The following IFT172 variants were observed in gnomAD, a reference collection of about 807,000 sequenced individuals.
IFT172 encodes intraflagellar transport protein 172 homolog.
In IFT172, 164 loss-of-function variants were observed where a neutral mutation model predicts 248.9. The ratio of observed to expected loss-of-function variants is 0.66; its 90% CI spans 0.58 to 0.75. The LOEUF (loss-of-function observed/expected upper bound fraction) is 0.75. Ranked by LOEUF, IFT172 falls within the 30% of genes least tolerant of loss-of-function variation. The probability of loss-of-function intolerance (pLI) is 0.00; values close to 1 mark genes in which losing one functional copy is unlikely to be tolerated. For synonymous variants in IFT172, 729 were observed against 791.6 expected, an observed-to-expected ratio of 0.92 and a Z score of 1.33; for missense variants, 1,950 against 2,192.4, an observed-to-expected ratio of 0.89 and a Z score of 2.21.
intron 35 of IFT172, 133 bp from the exon 36 acceptor site, chr2:27,450,229 C>G (rs567073851): frequency 1.1e-4 from 72 of 645,332 alleles, no homozygotes; most frequent in African/African-American, 1.0e-3. Flanking sequence ...AACCTTGCAC[C>G]CTCCTGGGCA....
chr2:27,483,378 T>C lies in IFT172; in HGVS notation c.483-2A>G, dbSNP rs373214972. On this transcript the variant is annotated splice_acceptor_variant, in intron 6 of 47. Coordinates refer to ENST00000260570, the MANE Select transcript of IFT172 (RefSeq NM_015662.3). LOFTEE classifies it high-confidence loss of function. ...GAGAGAATTCCTTTCCCAGAGCAACTAAAAAAGGAGAAAGGAGAGAAATAC... is the reference window on the plus strand; with the variant it reads ...GAGAGAATTCCTTTCCCAGAGCAACCAAAAAAGGAGAAAGGAGAGAAATAC... The C allele has an allele frequency of 2.1e-5, 33 of 1,587,768 alleles. No homozygotes were observed. Among genetic ancestry groups the C allele is most frequent in the African/African-American group, 4.0e-5 (3 of 74,132 alleles).
In IFT172 at chr2:27,478,058, G is replaced by A. The variant is rs766398819; in HGVS notation, c.1104C>T (p.Tyr368=). The change falls in exon 11 of 48, where the codon TAC becomes TAT. Residue 368 remains tyrosine (Y), a synonymous_variant. Coordinates refer to ENST00000260570, the MANE Select transcript of IFT172 (RefSeq NM_015662.3). ...EEVKILGKER[Y]LVAHTSETLL... ...GTGTTTCTGATGTGTGAGCCACCAAGTAACGTTCCTTTCCTAGGATTTTCA... is the reference window on the plus strand; with the variant it reads ...GTGTTTCTGATGTGTGAGCCACCAAATAACGTTCCTTTCCTAGGATTTTCA... The A allele has an allele frequency of 2.5e-6, 4 of 1,614,204 alleles. No homozygotes were observed. The highest frequency in any genetic ancestry group is 1.6e-4 in the Middle Eastern group (1 of 6,062).
Position 27,445,574 on chromosome 2 carries a change from C to T in IFT172, c.4915-125G>A, listed in dbSNP as rs1361828183. Reference sequence around the variant, plus strand: ...ATACCAGCTTTTAGCCACGAATCCTCCTTGGATTGGGGGATGCAGTCACAG... The same window carrying T: ...ATACCAGCTTTTAGCCACGAATCCTTCTTGGATTGGGGGATGCAGTCACAG... On this transcript the variant is annotated intron_variant, in intron 45 of 47. Transcript: ENST00000260570. This position sits in a 1 kb window ranked among gnomAD's most constrained non-coding sequence, Gnocchi z 4.4. 4 of 1,311,628 alleles carry T rather than the reference C, an allele frequency of 3.0e-6. No individual in the cohort carries two copies. The highest frequency in any genetic ancestry group is 4.2e-6 in the Non-Finnish European group (4 of 956,404). 81.2% of individuals were successfully genotyped at this position (1,311,628 alleles called of 1,614,324 possible). A position where few individuals can be genotyped will look rare whatever the true frequency, so the allele number is the denominator to read the frequency against.
At chr2:27,479,985 G>T in intron 9 of IFT172, 41 bp downstream of exon 9, 1 of 1,593,866 alleles carries the variant, frequency 6.3e-7, no homozygotes, top group Admixed American at 1.8e-5. Flanking sequence ...TTCTAGTTTG[G>T]TGAAAGTCAC....
rs1666468434 is a variant in IFT172, at chr2:27,459,580, T to C, written c.2643-58A>G. 5.6e-6 allele frequency: 9 copies of C among 1,602,862 alleles called. No homozygotes were observed. The South Asian group carries it at 8.9e-5, about 16-fold the overall frequency. On this transcript the variant is annotated intron_variant, in intron 24 of 47. Transcript: ENST00000260570. ...GATGAAAGATGAAGATGAATGGAGG[T>C]AAAAGGACCCTTTAAGCACACTTCA...
Position 27,444,982 on chromosome 2 carries a change from C to T in IFT172, c.5160+32G>A, listed in dbSNP as rs754296042. 2.5e-6 allele frequency: 4 copies of T among 1,605,788 alleles called. No homozygotes were observed. The East Asian group carries it at 8.9e-5, about 36-fold the overall frequency. On this transcript the variant is annotated intron_variant, in intron 47 of 47. Coordinates refer to ENST00000260570, the MANE Select transcript of IFT172 (RefSeq NM_015662.3). ...TTTTCTTTTTTTAGTGCTGCCCTCTCTGCCTTCATTCTCCAAGTCCTCCTC... is the reference window on the plus strand; with the variant it reads ...TTTTCTTTTTTTAGTGCTGCCCTCTTTGCCTTCATTCTCCAAGTCCTCCTC...
intron 16 of IFT172, among the ~76,000 whole-genome samples, chr2:27,468,578 G>A (rs1277137806): frequency 2.6e-5 from 4 of 152,058 alleles, no homozygotes; most frequent in South Asian, 2.1e-4. Flanking sequence ...GGCCAGGCAC[G>A]ATGGTTAACG....
rs745554539 is a variant in IFT172, at chr2:27,478,002, A to C, written c.1160T>G (p.Leu387Arg). Reference protein sequence around the residue: ...LLLGDLNTNRLSEIAWQGSGG... With the variant: ...LLLGDLNTNRRSEIAWQGSGG... Reference sequence around the variant, plus strand: ...CTCAATTTTGGTTCCTACCTCACTAAGCCGATTAGTGTTCAGGTCCCCCAG... The same window carrying C: ...CTCAATTTTGGTTCCTACCTCACTACGCCGATTAGTGTTCAGGTCCCCCAG... Residue 387 changes from leucine to arginine, a missense_variant, in exon 11 of 48, where the codon CTT (leucine) becomes CGT (arginine). This residue lies in a region of IFT172 where 1,166 missense variants were observed against 1,254.1 expected (regional missense o/e 0.93). Coordinates refer to ENST00000260570, the MANE Select transcript of IFT172 (RefSeq NM_015662.3). 3 of 1,613,976 alleles carry C rather than the reference A, an allele frequency of 1.9e-6. No individual in the cohort carries two copies. The African/African-American group carries it at 4.0e-5, about 22-fold the overall frequency.
At chr2:27,484,958 C>A in intron 3 of IFT172, 60 bp downstream of exon 3, 1 of 955,744 alleles carries the variant, frequency 1.0e-6, no homozygotes, top group Non-Finnish European at 1.7e-6. Context: ...CCCAGTGAGG[C>A]ATTTCTCTTG....
At chr2:27,475,350 G>C (rs933607434) in intron 14 of IFT172, 2 of 152,178 alleles carry the variant, frequency 1.3e-5, no homozygotes, top group Admixed American at 6.5e-5. Flanking sequence ...CTGAATCACT[G>C]TAATAGTGAA....
rs780885816 is a variant in IFT172 at position 27,454,329 on chromosome 2, T to A, written c.3530+25A>T. On this transcript the variant is annotated intron_variant, in intron 32 of 47. Coordinates refer to ENST00000260570, the MANE Select transcript of IFT172 (RefSeq NM_015662.3). The surrounding 1 kb of genome is among the most constrained non-coding windows in gnomAD (Gnocchi z 4.2). Reference sequence around the variant, plus strand: ...TGGGACGGTGACTGGGGAAACAGTATTAAGGAATGTATGGGGTAACTCACA... The same window carrying A: ...TGGGACGGTGACTGGGGAAACAGTAATAAGGAATGTATGGGGTAACTCACA... 82 of 1,613,638 alleles carry A rather than the reference T, an allele frequency of 5.1e-5. No homozygotes were observed. Among genetic ancestry groups the A allele is most frequent in the Non-Finnish European group, 6.5e-5 (77 of 1,179,756 alleles).
rs766353582 is a variant in IFT172, at chr2:27,445,394, C to T, written c.4970G>A (p.Arg1657Gln). The T allele has an allele frequency of 2.8e-5, 45 of 1,612,802 alleles. No homozygotes were observed. The highest frequency in any genetic ancestry group is 1.7e-4 in the Middle Eastern group (1 of 5,966). Residue 1657 changes from arginine to glutamine, a missense_variant, in exon 46 of 48, where the codon CGG (arginine) becomes CAG (glutamine). Around this residue, in one of 3 missense-constraint regions of IFT172, gnomAD observed 620 missense variants for 699.0 expected, o/e 0.89. Transcript: ENST00000260570. This position sits in a 1 kb window ranked among gnomAD's most constrained non-coding sequence, Gnocchi z 4.4. ...DWVLTVSMDQ[R>Q]LEQVLPRDER... ...ATCCCGAGGCAGAACCTGCTCCAGC[C>T]GCTGGTCCATGGAGACTGTAAGCAC... is the stretch of plus-strand genomic sequence containing the variant.
In IFT172 at chr2:27,445,234, A is replaced by G; in HGVS notation, c.5068+62T>C. ...CCTTTACTGAATCCTAGTAAAATTA[A>G]GTTTATTGATCCTGCTGCTTTCTAC... On this transcript the variant is annotated intron_variant, in intron 46 of 47. Coordinates refer to ENST00000260570, the MANE Select transcript of IFT172 (RefSeq NM_015662.3). This position sits in a 1 kb window ranked among gnomAD's most constrained non-coding sequence, Gnocchi z 4.4. 2 of 1,584,344 alleles carry G rather than the reference A, an allele frequency of 1.3e-6. No individual in the cohort carries two copies. Among genetic ancestry groups the G allele is most frequent in the South Asian group, 2.3e-5 (2 of 87,226 alleles).
intron 29 of IFT172, 98 bp from the exon 30 acceptor site, chr2:27,456,751 T>G: frequency 3.3e-6 from 5 of 1,500,534 alleles, no homozygotes; most frequent in Non-Finnish European, 4.5e-6. Context: ...TGTTCTAAAT[T>G]GAACAGGAAG....
At chr2:27,457,604 T>TG (rs1428010449) in intron 29 of IFT172, 35 bp downstream of exon 29, 2 of 1,548,086 alleles carry the variant, frequency 1.3e-6, no homozygotes, top group African/African-American at 2.7e-5. Flanking sequence ...GAAAGAAGGA[T>TG]GGATGTATCC....
chr2:27,463,735 A>T (rs989036858), intron 18 of IFT172, among the ~76,000 whole-genome samples: 2 of 152,188 alleles, frequency 1.3e-5, no homozygotes, highest in Admixed American at 1.3e-4. Context: ...CCTGAATACA[A>T]GAAAAAGCCA....
intron 39 of IFT172, 70 bp downstream of exon 39, chr2:27,449,224 G>T: frequency 6.4e-7 from 1 of 1,565,724 alleles, no homozygotes; most frequent in South Asian, 1.1e-5. Flanking sequence ...TAGAAGAGAT[G>T]CATCTTTGAG....
Position 27,453,670 on chromosome 2 carries a change from G to C in IFT172, c.3781C>G (p.Gln1261Glu). 2 of 1,612,526 alleles carry C rather than the reference G, an allele frequency of 1.2e-6. 1 individual carries two copies. The highest frequency in any genetic ancestry group is 2.2e-5 in the South Asian group (2 of 90,924). The change falls in exon 34 of 48, where the codon CAG becomes GAG. Residue 1261 changes from glutamine (Q) to glutamate (E), a missense_variant. Gln to Glu is a conservative substitution (Grantham distance 29). Transcript: ENST00000260570. Reference sequence around the variant, plus strand: ...GTAGCTTCCCGCTCATATTCTTCCTGCAGAGCCTCCAGCTGGCTGGGCACA... The same window carrying C: ...GTAGCTTCCCGCTCATATTCTTCCTCCAGAGCCTCCAGCTGGCTGGGCACA... ...DYVPSQLEAL[Q>E]EEYEREATKK...
At chr2:27,472,445 T>C in intron 14 of IFT172, 83 bp from the exon 15 acceptor site, 1 of 1,097,564 alleles carries the variant, frequency 9.1e-7, no homozygotes, top group African/African-American at 1.6e-5. Flanking sequence ...TTTGCTAGGA[T>C]GCCTAGGAAG....
Sources: gnomAD v4.1 joint callset for allele counts (sites outside exome capture counted in the v4.1 genomes callset) on GRCh38, gnomAD v4.1.1 for gene constraint, gnomAD v4.1.1 regional missense constraint, Gnocchi (gnomAD v3.1) non-coding constraint, MANE v1.5 for transcripts, NCBI Gene and HGNC (gene_info 2026-07-23, HGNC 2026-07-21) for gene names.